Variants in SLC25A27 observed in about 807,000 individuals in gnomAD.
SLC25A27 encodes solute carrier family 25 member 27.
A neutral mutation model predicts 49.1 loss-of-function variants in SLC25A27; 35 were observed. That is an observed-to-expected ratio of 0.71 (90% CI 0.54 to 0.95). SLC25A27 has a LOEUF of 0.95. SLC25A27 is among the 40% of genes least tolerant of loss of function. SLC25A27 has a pLI of 0.00. For missense variants in SLC25A27, 339 were observed against 397.1 expected, an observed-to-expected ratio of 0.85 and a Z score of 1.24; for synonymous variants, 144 against 136.9, an observed-to-expected ratio of 1.05 and a Z score of -0.36.
chr6:46,670,036 A>G, intron 6 of SLC25A27, 99 bp from the exon 7 acceptor site: 1 of 628,682 alleles, frequency 1.6e-6, no homozygotes, highest in Non-Finnish European at 2.6e-6. Context: ...GCTTGTAAGA[A>G]TATATTTAGT....
chr6:46,656,201 G>C (rs1042941476), intron 2 of SLC25A27, among the ~76,000 whole-genome samples, 167 bp downstream of exon 2: 1 of 150,964 alleles, frequency 6.6e-6, no homozygotes, highest in Admixed American at 6.6e-5. Context: ...TTTTTTTTGA[G>C]ATGGAGTCAC....
At chr6:46,675,365 T>A (rs541375706) in intron 8 of SLC25A27, among the ~76,000 whole-genome samples, 1 of 152,308 alleles carries the variant, frequency 6.6e-6, no homozygotes, top group East Asian at 1.9e-4. Context: ...TACTTCATTT[T>A]TATTACAAGA....
chr6:46,668,820 T>G (rs1005736416), intron 6 of SLC25A27, 27 bp downstream of exon 6: 3 of 662,948 alleles, frequency 4.5e-6, no homozygotes, highest in Admixed American at 3.4e-5. Context: ...TTGGACTCTG[T>G]TTTTTTTTTT....
intron 4 of SLC25A27, among the ~76,000 whole-genome samples, chr6:46,663,562 T>C (rs1033949889): frequency 6.6e-6 from 1 of 152,186 alleles, no homozygotes; most frequent in African/African-American, 2.4e-5. Context: ...CACACTGCCT[T>C]GTTGGATAGG....
intron 3 of SLC25A27, among the ~76,000 whole-genome samples, chr6:46,660,861 G>A (rs769826886): frequency 6.6e-6 from 1 of 152,296 alleles, no homozygotes; most frequent in East Asian, 1.9e-4. Context: ...TAGTCCTTGC[G>A]TTTTGGAATT....
chr6:46,672,781 T>C (rs1260454272), intron 8 of SLC25A27, among the ~76,000 whole-genome samples: 1 of 152,186 alleles, frequency 6.6e-6, no homozygotes, highest in Non-Finnish European at 1.5e-5. Context: ...ACTGAATATA[T>C]TGGTCTATGT....
In SLC25A27 at chr6:46,653,015, T is replaced by A; in HGVS notation, c.-178T>A. 1.6e-6 allele frequency: 1 copy of A among 629,054 alleles called. No homozygotes were observed. The highest frequency in any genetic ancestry group is 2.8e-6 in the Non-Finnish European group (1 of 358,188). 39.0% of individuals were successfully genotyped at this position (629,054 alleles called of 1,614,324 possible). A position where few individuals can be genotyped will look rare whatever the true frequency, so the allele number is the denominator to read the frequency against. Reference sequence around the variant, plus strand: ...GGGGTGTAAGGGGCAGCTGGACCACTCCAGCTGGGACTGCTAGGAAGGTTG... The same window carrying A: ...GGGGTGTAAGGGGCAGCTGGACCACACCAGCTGGGACTGCTAGGAAGGTTG... On this transcript the variant is annotated 5_prime_UTR_variant, in exon 1 of 9. Transcript: ENST00000371347.
chr6:46,662,104 A>G (rs9296505), intron 3 of SLC25A27, among the ~76,000 whole-genome samples: 73,492 of 152,004 alleles, frequency 0.48, 17,874 homozygotes, highest in East Asian at 0.56. Flanking sequence ...CAATTAAATT[A>G]TCAATTCAGA....
intron 1 of SLC25A27, chr6:46,654,026 A>G: frequency 1.6e-5 from 12 of 767,472 alleles, no homozygotes; most frequent in Non-Finnish European, 1.9e-5. Flanking sequence ...TCATAAAAGC[A>G]TAGAAGAGCA....
rs1762803401 is a variant in SLC25A27, at chr6:46,652,997, A to G, written c.-196A>G. The G allele has an allele frequency of 6.7e-6, 4 of 598,462 alleles. No individual in the cohort carries two copies. Among genetic ancestry groups the G allele is most frequent in the African/African-American group, 3.7e-5 (2 of 53,476 alleles). The allele number at this position is 598,462 out of a possible 1,614,324, so 37.1% of individuals were successfully genotyped here. On this transcript the variant is annotated 5_prime_UTR_variant, in exon 1 of 9. Transcript: ENST00000371347. The stretch of plus-strand genomic sequence containing the variant: ...GCTGTGTTTTTCTATTCTGGGGTGT[A>G]AGGGGCAGCTGGACCACTCCAGCTG...
In SLC25A27 at chr6:46,656,347, A is replaced by ATTT. The variant is rs771129922; in HGVS notation, c.298+330_298+332dup. Among the ~76,000 whole-genome samples the ATTT allele has an allele frequency of 2.9e-5, 4 of 136,126 alleles. 1 individual carries two copies. Among genetic ancestry groups the ATTT allele is most frequent in the Non-Finnish European group, 4.8e-5 (3 of 62,418 alleles). The allele number at this position is 136,126 out of a possible 152,430, so 89.3% of individuals were successfully genotyped here. On this transcript the variant is annotated intron_variant, in intron 2 of 8. Transcript: ENST00000371347. ...AGGTGCACGCCACCACACCCAGCTA[A>ATTT]TTTTTTTTTTTTTTTTTTTAGAGAG...
chr6:46,657,864 AG>A (rs1363256060), intron 2 of SLC25A27, among the ~76,000 whole-genome samples: 2 of 152,206 alleles, frequency 1.3e-5, no homozygotes, highest in Non-Finnish European at 2.9e-5. Context: ...CCCAGTTCCA[AG>A]GCTACCTAAC....
intron 2 of SLC25A27, 119 bp from the exon 3 acceptor site, chr6:46,658,843 C>A (rs755605107): frequency 1.3e-6 from 1 of 783,688 alleles, no homozygotes; most frequent in South Asian, 1.5e-5. Flanking sequence ...CCCCATGAGA[C>A]AAAGACACAG....
intron 7 of SLC25A27, 95 bp from the exon 8 acceptor site, chr6:46,671,031 A>G: frequency 2.3e-6 from 2 of 887,314 alleles, no homozygotes; most frequent in Non-Finnish European, 3.5e-6. Context: ...CGCCCGGCCA[A>G]TATTTAATTT....
rs192051684 is a variant in SLC25A27, at chr6:46,662,775, G to C, written c.506+277G>C. On this transcript the variant is annotated intron_variant, in intron 4 of 8. Transcript: ENST00000371347. ...CCCCTACTGCAGGTTAACATAAACA[G>C]TTTGATTATTAAAATTTGCCCTGGT... Among the ~76,000 whole-genome samples, 347 of 152,274 alleles carry C rather than the reference G, an allele frequency of 2.3e-3. 1 individual carries two copies. The highest frequency in any genetic ancestry group is 4.4e-3 in the Admixed American group (67 of 15,294).
At position 46,653,088 on chromosome 6, in the gene SLC25A27, C is replaced by A; in HGVS notation, c.-105C>A. On this transcript the variant is annotated 5_prime_UTR_variant, in exon 1 of 9. Transcript: ENST00000371347. ...ACGAGGGAAATGGTCCTCACCCGGCCACTCGCCGGTTGAAAAGGGGCCGCC... is the reference window on the plus strand; with the variant it reads ...ACGAGGGAAATGGTCCTCACCCGGCAACTCGCCGGTTGAAAAGGGGCCGCC... 9.4e-7 allele frequency: 1 copy of A among 1,065,570 alleles called. No homozygotes were observed. The highest frequency in any genetic ancestry group is 2.1e-5 in the Admixed American group (1 of 47,484). 66.0% of individuals were successfully genotyped at this position (1,065,570 alleles called of 1,614,324 possible). A position where few individuals can be genotyped will look rare whatever the true frequency, so the allele number is the denominator to read the frequency against.
At position 46,653,292 on chromosome 6, in the gene SLC25A27, G is replaced by A. The variant is rs1461516644; in HGVS notation, c.100G>A (p.Glu34Lys). The change falls in exon 1 of 9, where the codon GAG becomes AAG. Residue 34 changes from glutamate to lysine, a missense_variant. By Grantham distance (56) the Glu-to-Lys change is moderately conservative (BLOSUM62 1). Transcript: ENST00000371347. ...LLSGCAATVA[E>K]LATFPLDLTK... ...GTCCGGCTGCGCGGCTACCGTGGCCGAGCTAGGTACCCGGCTGCCCACGCC... is the reference window on the plus strand; with the variant it reads ...GTCCGGCTGCGCGGCTACCGTGGCCAAGCTAGGTACCCGGCTGCCCACGCC... 6 of 1,611,820 alleles carry A rather than the reference G, an allele frequency of 3.7e-6. No homozygotes were observed. In the Admixed American group the frequency reaches 1.0e-4, roughly 27 times the overall value.
At chr6:46,674,684 C>T (rs757149375) in intron 8 of SLC25A27, among the ~76,000 whole-genome samples, 15 of 152,024 alleles carry the variant, frequency 9.9e-5, no homozygotes, top group South Asian at 2.1e-4. Context: ...ATAGTTGGCT[C>T]ATTCACACTG....
chr6:46,667,538 C>T (rs2150647613), intron 5 of SLC25A27, among the ~76,000 whole-genome samples: 1 of 152,264 alleles, frequency 6.6e-6, no homozygotes, highest in East Asian at 1.9e-4. Flanking sequence ...TGCTGCCGGC[C>T]CAGTCTTCTG....
Sources: gnomAD v4.1 joint callset for allele counts (sites outside exome capture counted in the v4.1 genomes callset) on GRCh38, gnomAD v4.1.1 for gene constraint, MANE v1.5 for transcripts, NCBI Gene and HGNC (gene_info 2026-07-23, HGNC 2026-07-21) for gene names.